Variants in MECOM observed in about 807,000 individuals in gnomAD.
MECOM encodes histone-lysine N-methyltransferase MECOM.
Under a neutral mutation model 116.3 loss-of-function variants are expected in MECOM, and 13 were observed. That is an observed-to-expected ratio of 0.11 (90% confidence interval 0.07 to 0.18). The LOEUF (loss-of-function observed/expected upper bound fraction) is 0.18. Ranked by LOEUF, MECOM falls within the 10% of genes least tolerant of loss-of-function variation. The pLI, the probability that MECOM is intolerant of heterozygous loss-of-function variation, is 1.00. For missense variants in MECOM, 1,299 were observed against 1,509.0 expected (o/e 0.86, Z 2.31); for synonymous variants, 528 against 535.2 (o/e 0.99, Z 0.19).
intron 1 of MECOM, among the ~76,000 whole-genome samples, chr3:169,574,863 G>C (rs1316492844): frequency 6.6e-6 from 1 of 151,486 alleles, no homozygotes; most frequent in African/African-American, 2.4e-5. Context: ...ATGAGGGGAG[G>C]GAGAAAACAC....
At chr3:169,394,747 CAT>C (rs993067221) in intron 1 of MECOM, among the ~76,000 whole-genome samples, 2 of 152,088 alleles carry the variant, frequency 1.3e-5, no homozygotes, top group African/African-American at 4.8e-5. Context: ...TCTAAATAAA[CAT>C]ATTTATTTGG....
intron 16 of MECOM, 114 bp downstream of exon 16, chr3:169,088,886 C>A (rs1466791909): frequency 1.1e-6 from 1 of 943,254 alleles, no homozygotes; most frequent in Admixed American, 3.1e-5. Flanking sequence ...GCATCTGACC[C>A]CATTTGGATT....
At chr3:169,154,065 T>TC (rs1028887709) in intron 2 of MECOM, among the ~76,000 whole-genome samples, 3 of 152,134 alleles carry the variant, frequency 2.0e-5, no homozygotes, top group Non-Finnish European at 2.9e-5. Flanking sequence ...GTGTTTTTTT[T>TC]CTCTCAAGCT....
chr3:169,101,798 G>A (rs1723629794), intron 11 of MECOM, among the ~76,000 whole-genome samples: 1 of 152,132 alleles, frequency 6.6e-6, no homozygotes, highest in Non-Finnish European at 1.5e-5. Context: ...AAATATCAAA[G>A]TGAGACAAGT....
intron 1 of MECOM, among the ~76,000 whole-genome samples, chr3:169,662,166 G>C (rs553512049): frequency 6.6e-6 from 1 of 152,348 alleles, no homozygotes; most frequent in South Asian, 2.1e-4. Context: ...GTGGGGGATG[G>C]GACTCCCACC....
intron 1 of MECOM, among the ~76,000 whole-genome samples, chr3:169,520,093 A>G (rs1158031540): frequency 1.3e-5 from 2 of 152,246 alleles, no homozygotes; most frequent in Non-Finnish European, 2.9e-5. Context: ...CCAGAACCAC[A>G]GTAAGAAGAG....
At chr3:169,471,828 T>C (rs1749296556) in intron 1 of MECOM, among the ~76,000 whole-genome samples, 2 of 152,218 alleles carry the variant, frequency 1.3e-5, no homozygotes, top group African/African-American at 4.8e-5. Flanking sequence ...TTTATACAAT[T>C]CACTCTATTT....
chr3:169,201,695 T>G (rs1749177314), intron 2 of MECOM, among the ~76,000 whole-genome samples: 1 of 152,142 alleles, frequency 6.6e-6, no homozygotes, highest in South Asian at 2.1e-4. Flanking sequence ...TAAAGTCCAC[T>G]TTTTCCTGAG....
chr3:169,450,533 C>T (rs768037439), intron 1 of MECOM, among the ~76,000 whole-genome samples: 1 of 151,786 alleles, frequency 6.6e-6, no homozygotes, highest in East Asian at 1.9e-4. Context: ...TAAGAAAAAC[C>T]TTTTCCACTC....
Position 169,149,077 on chromosome 3 carries a change from C to CTTT in MECOM, c.376-5248_376-5246dup, listed in dbSNP as rs60870748. Among the ~76,000 whole-genome samples the CTTT allele has an allele frequency of 4.3e-3, 490 of 115,084 alleles. 3 individuals are homozygous for CTTT. Among genetic ancestry groups the CTTT allele is most frequent in the African/African-American group, 0.01 (331 of 32,060 alleles). The allele number at this position is 115,084 out of a possible 152,430, so 75.5% of individuals were successfully genotyped here. A position where few individuals can be genotyped will look rare whatever the true frequency, so the allele number is the denominator to read the frequency against. On this transcript the variant is annotated intron_variant, in intron 2 of 16. Coordinates refer to ENST00000651503, the MANE Select transcript of MECOM (RefSeq NM_004991.4). ...TCAACTTGCCCATTGTCGGAGCTTT[C>CTTT]TTTTTTTTTTTTTTTTTTTTAATTT...
In MECOM at chr3:169,663,488, CTCTCT is replaced by C; in HGVS notation, c.-121_-117del. The C allele has an allele frequency of 2.5e-6, 1 of 402,310 alleles. No homozygotes were observed. Among genetic ancestry groups the C allele is most frequent in the Non-Finnish European group, 4.5e-6 (1 of 224,182 alleles). The allele number at this position is 402,310 out of a possible 1,614,324, so 24.9% of individuals were successfully genotyped here. ...CTCTCTCTCCTGTCTCTCTCTCTCT[CTCTCT>C]CTCTCTCTCTCTCTCTCTCTCTCTC... On this transcript the variant is annotated 5_prime_UTR_variant, in exon 1 of 17. Coordinates refer to ENST00000651503, the MANE Select transcript of MECOM (RefSeq NM_004991.4).
At chr3:169,291,915 T>G (rs1389242275) in intron 2 of MECOM, among the ~76,000 whole-genome samples, 1 of 152,200 alleles carries the variant, frequency 6.6e-6, no homozygotes, top group African/African-American at 2.4e-5. Flanking sequence ...GCTGCATACT[T>G]CAAGCAAAAA....
At chr3:169,115,357 T>C in intron 8 of MECOM, 26 bp downstream of exon 8, 1 of 1,599,416 alleles carries the variant, frequency 6.3e-7, no homozygotes, top group Non-Finnish European at 8.5e-7. Flanking sequence ...TCTGCTCATA[T>C]TTCGTCATCT....
intron 2 of MECOM, chr3:169,146,324 G>C (rs969148593): frequency 5.4e-6 from 7 of 1,287,204 alleles, no homozygotes; most frequent in Non-Finnish European, 7.0e-6. Flanking sequence ...GGCCGAGAGC[G>C]GCTCCAAAGT....
intron 2 of MECOM, among the ~76,000 whole-genome samples, chr3:169,244,551 A>G (rs1298624184): frequency 1.3e-5 from 2 of 152,172 alleles, no homozygotes. Flanking sequence ...CTCTGCACCC[A>G]AGCTGTGGGG....
In MECOM at chr3:169,143,748, C is replaced by T. The variant is rs116535717; in HGVS notation, c.460G>A (p.Ala154Thr). 6 of 1,610,916 alleles carry T rather than the reference C, an allele frequency of 3.7e-6. No individual in the cohort carries two copies. Among genetic ancestry groups the T allele is most frequent in the Admixed American group, 3.4e-5 (2 of 59,584 alleles). The change falls in exon 3 of 17, where the codon GCT (alanine) becomes ACT (threonine). Residue 154 changes from alanine (A) to threonine (T), a missense_variant. This residue lies in a region of MECOM where 374 missense variants were observed against 433.4 expected (regional missense o/e 0.86). Coordinates refer to ENST00000651503, the MANE Select transcript of MECOM (RefSeq NM_004991.4). ...AGGTTGTGCTGATCATAACAGCCAGCGAATCTAATGTACTTGAGCCAGCTT... is the reference window on the plus strand; with the variant it reads ...AGGTTGTGCTGATCATAACAGCCAGTGAATCTAATGTACTTGAGCCAGCTT... ...VGSWLKYIRF[A>T]GCYDQHNLVA... is the part of the protein sequence containing the mutation.
At chr3:169,524,827 A>C (rs12485268) in intron 1 of MECOM, among the ~76,000 whole-genome samples, 6 of 152,214 alleles carry the variant, frequency 3.9e-5, no homozygotes, top group Non-Finnish European at 7.3e-5. Context: ...ATCCTTGTGA[A>C]TACTGTCAGA....
intron 2 of MECOM, among the ~76,000 whole-genome samples, chr3:169,211,344 A>T (rs942135036): frequency 6.6e-6 from 1 of 152,110 alleles, no homozygotes; most frequent in Non-Finnish European, 1.5e-5. Context: ...AATTAAACAC[A>T]CAAACAAAAA....
intron 2 of MECOM, among the ~76,000 whole-genome samples, chr3:169,211,919 C>T (rs2149476107): frequency 6.6e-6 from 1 of 152,204 alleles, no homozygotes; most frequent in South Asian, 2.1e-4. Flanking sequence ...TCCCTGCACA[C>T]TCCTCACCAA....
Sources: allele counts gnomAD v4.1 joint callset (sites outside exome capture counted in the v4.1 genomes callset), GRCh38; gene constraint gnomAD v4.1.1; regional missense constraint gnomAD v4.1.1; transcripts MANE v1.5; gene names NCBI Gene and HGNC (gene_info 2026-07-23, HGNC 2026-07-21).